CERKL: variants seen among roughly 807,000 people sequenced by gnomAD.
CERKL encodes CERK like autophagy regulator.
In CERKL, 61 loss-of-function variants were observed where a neutral mutation model predicts 63.4. The ratio of observed to expected loss-of-function variants is 0.96; its 90% confidence interval spans 0.78 to 1.19. The LOEUF (loss-of-function observed/expected upper bound fraction) is 1.19, where lower values mean the gene tolerates loss of function less well. CERKL is among the 50% of genes most tolerant of loss of function. The pLI, the probability that CERKL is intolerant of heterozygous loss-of-function variation, is 0.00. For synonymous variants in CERKL, 250 were observed against 230.5 expected, an observed-to-expected ratio of 1.08 and a Z score of -0.77; for missense variants, 675 against 655.5, an observed-to-expected ratio of 1.03 and a Z score of -0.33.
At chr2:181,648,470 G>T (rs1687762128) in intron 1 of CERKL, among the ~76,000 whole-genome samples, 1 of 152,078 alleles carries the variant, frequency 6.6e-6, no homozygotes, top group Non-Finnish European at 1.5e-5. Flanking sequence ...TCCTGGAGGA[G>T]AATAAAGGCC....
intron 1 of CERKL, among the ~76,000 whole-genome samples, chr2:181,627,989 C>A (rs530201375): frequency 1.3e-5 from 2 of 152,098 alleles, no homozygotes; most frequent in African/African-American, 4.8e-5. Flanking sequence ...ACATGCTGAT[C>A]ATTAAGATAT....
At chr2:181,578,579 T>C (rs1328239161) in intron 2 of CERKL, among the ~76,000 whole-genome samples, 1 of 152,016 alleles carries the variant, frequency 6.6e-6, no homozygotes, top group African/African-American at 2.4e-5. Context: ...ATTACAGGTA[T>C]GAACCACCAT....
intron 1 of CERKL, among the ~76,000 whole-genome samples, chr2:181,621,061 A>C (rs1176600364): frequency 2.0e-5 from 3 of 152,168 alleles, no homozygotes; most frequent in Non-Finnish European, 4.4e-5. Context: ...GGGGATATGA[A>C]CCTTTCATTT....
intron 1 of CERKL, among the ~76,000 whole-genome samples, chr2:181,639,587 G>C (rs1288408247): frequency 6.6e-6 from 1 of 152,142 alleles, no homozygotes; most frequent in Non-Finnish European, 1.5e-5. Context: ...TTGTTTCAAA[G>C]GTTTTTATTA....
chr2:181,652,504 A>T (rs563659329), intron 1 of CERKL, among the ~76,000 whole-genome samples: 2 of 152,204 alleles, frequency 1.3e-5, no homozygotes, highest in Non-Finnish European at 2.9e-5. Context: ...TAGATTAAAG[A>T]TTTAAAATGT....
chr2:181,580,953 A>G (rs1223002287), intron 2 of CERKL, among the ~76,000 whole-genome samples: 5 of 152,082 alleles, frequency 3.3e-5, no homozygotes, highest in South Asian at 4.2e-4. Flanking sequence ...TAGATTTCCT[A>G]TGTCTTCTGG....
At position 181,579,567 on chromosome 2, in the gene CERKL, C is replaced by G. The variant is rs190143813; in HGVS notation, c.482-5683G>C. Among the ~76,000 whole-genome samples, 3 of 151,954 alleles carry G rather than the reference C, an allele frequency of 2.0e-5. No homozygotes were observed. The East Asian group carries it at 5.8e-4, about 29-fold the overall frequency. Reference sequence around the variant, plus strand: ...CCTAGTGTGTCATTTGCCTTAATAACTTATGTTTTCTCCATACTGAAAGTT... The same window carrying G: ...CCTAGTGTGTCATTTGCCTTAATAAGTTATGTTTTCTCCATACTGAAAGTT... On this transcript the variant is annotated intron_variant, in intron 2 of 12. Transcript: ENST00000410087.
At chr2:181,575,021 G>A (rs1397389026) in intron 2 of CERKL, among the ~76,000 whole-genome samples, 2 of 152,138 alleles carry the variant, frequency 1.3e-5, no homozygotes, top group Admixed American at 6.5e-5. Context: ...CACCCAGGCT[G>A]GAAACCTCAA....
rs182912482 is a variant in CERKL at position 181,641,865 on chromosome 2, T to C, written c.238+14904A>G. 2.0e-5 allele frequency among the ~76,000 whole-genome samples: 3 copies of C among 152,320 alleles called. No individual in the cohort carries two copies. The East Asian group carries it at 5.8e-4, about 29-fold the overall frequency. ...ACTGTATTGAACACTTCAGATATAG[T>C]GCACTCCCATCATTTCAGGAAGTCT... On this transcript the variant is annotated intron_variant, in intron 1 of 12. Transcript: ENST00000410087.
At chr2:181,577,843 C>A (rs1383163753) in intron 2 of CERKL, among the ~76,000 whole-genome samples, 2 of 152,088 alleles carry the variant, frequency 1.3e-5, no homozygotes, top group African/African-American at 4.8e-5. Flanking sequence ...ACTTGTCTTC[C>A]CTCCAGCTAA....
chr2:181,543,322 G>A (rs981621160), intron 11 of CERKL, among the ~76,000 whole-genome samples: 1 of 152,120 alleles, frequency 6.6e-6, no homozygotes, highest in Admixed American at 6.5e-5. Flanking sequence ...ATATTCCTTT[G>A]AAAATCAATA....
chr2:181,602,456 A>G (rs1200676240), intron 2 of CERKL, among the ~76,000 whole-genome samples: 1 of 152,246 alleles, frequency 6.6e-6, no homozygotes, highest in Admixed American at 6.5e-5. Flanking sequence ...AAGTGCTTTT[A>G]TTTAATTATA....
intron 10 of CERKL, among the ~76,000 whole-genome samples, chr2:181,546,258 C>CTA (rs1020111193): frequency 1.3e-5 from 2 of 152,156 alleles, no homozygotes; most frequent in African/African-American, 4.8e-5. Flanking sequence ...TTTGAAGGAG[C>CTA]TATGAATCGA....
chr2:181,599,095 A>T (rs1366517026), intron 2 of CERKL, among the ~76,000 whole-genome samples: 2 of 152,244 alleles, frequency 1.3e-5, no homozygotes, highest in Non-Finnish European at 2.9e-5. Context: ...TTGCAAGGAA[A>T]CTCAGTGAGA....
intron 2 of CERKL, among the ~76,000 whole-genome samples, chr2:181,601,899 T>A (rs1685474192): frequency 6.6e-6 from 1 of 152,194 alleles, no homozygotes; most frequent in Non-Finnish European, 1.5e-5. Flanking sequence ...AGAGAATGAC[T>A]CCCTGAGTGC....
rs1689000919 is a variant in CERKL, at chr2:181,573,619, A to G, written c.613+134T>C. ...AAATTATAACCCTCGAGCTGGCTGC[A>G]GTAGGTTATGAAGACGTAAAAATGC... On this transcript the variant is annotated intron_variant, in intron 3 of 12. Coordinates refer to ENST00000410087, the MANE Select transcript of CERKL (RefSeq NM_201548.5). The G allele has an allele frequency of 7.0e-6, 4 of 571,454 alleles. No homozygotes were observed. The Admixed American group carries it at 1.2e-4, about 17-fold the overall frequency. The allele number at this position is 571,454 out of a possible 1,614,324, so 35.4% of individuals were successfully genotyped here.
At chr2:181,602,132 T>C (rs1267187294) in intron 2 of CERKL, among the ~76,000 whole-genome samples, 5 of 152,218 alleles carry the variant, frequency 3.3e-5, no homozygotes, top group African/African-American at 1.2e-4. Context: ...TTTTACTGAA[T>C]TGAGCTTTGT....
chr2:181,645,777 T>A (rs964120066), intron 1 of CERKL, among the ~76,000 whole-genome samples: 4 of 152,260 alleles, frequency 2.6e-5, no homozygotes, highest in African/African-American at 9.6e-5. Flanking sequence ...TACAGCTTTA[T>A]AAATACTGAC....
chr2:181,652,032 A>C (rs969827974), intron 1 of CERKL, among the ~76,000 whole-genome samples: 1 of 152,164 alleles, frequency 6.6e-6, no homozygotes, highest in East Asian at 1.9e-4. Context: ...AAGATAGTAC[A>C]TGTTCATGGA....
Sources: allele counts gnomAD v4.1 joint callset (sites outside exome capture counted in the v4.1 genomes callset), GRCh38; gene constraint gnomAD v4.1.1; transcripts MANE v1.5; gene names NCBI Gene and HGNC (gene_info 2026-07-23, HGNC 2026-07-21).